GALNT18: variants seen among roughly 807,000 people sequenced by gnomAD.
GALNT18 encodes GalNAc-transferase 18.
In GALNT18, 44 loss-of-function variants were observed where a neutral mutation model predicts 69.5. The ratio of observed to expected loss-of-function variants is 0.63; its 90% CI spans 0.50 to 0.81. The LOEUF is 0.81. GALNT18 is among the 40% of genes least tolerant of loss of function. GALNT18 has a pLI of 0.00. For synonymous variants in GALNT18, 364 were observed against 318.2 expected (o/e 1.14, Z -1.53); for missense variants, 715 against 810.0 (o/e 0.88, Z 1.42).
intron 1 of GALNT18, among the ~76,000 whole-genome samples, chr11:11,517,264 T>C (rs912351013): frequency 3.3e-5 from 5 of 152,236 alleles, no homozygotes; most frequent in African/African-American, 1.2e-4. Context: ...GTCAGCTGTG[T>C]AAAACAGGCC....
chr11:11,396,840 CT>C lies in GALNT18; in HGVS notation c.596-17577del, dbSNP rs1854342788. 6.6e-6 allele frequency among the ~76,000 whole-genome samples: 1 copy of C among 152,120 alleles called. No individual in the cohort carries two copies. The highest frequency in any genetic ancestry group is 1.5e-5 in the Non-Finnish European group (1 of 68,036). On this transcript the variant is annotated intron_variant, in intron 3 of 10. Coordinates refer to ENST00000227756, the MANE Select transcript of GALNT18 (RefSeq NM_198516.3). The surrounding 1 kb of genome is among the most constrained non-coding windows in gnomAD (Gnocchi z 5.2). ...GGGAGGAAAATAGGGAGGGTCTTGG[CT>C]GCCAAAGGAAAGGCTTTCATTCCAG...
At chr11:11,537,803 C>T (rs1857819539) in intron 1 of GALNT18, among the ~76,000 whole-genome samples, 1 of 152,140 alleles carries the variant, frequency 6.6e-6, no homozygotes, top group East Asian at 1.9e-4. Flanking sequence ...TTTTAACAAG[C>T]TTCTCAGATA....
chr11:11,422,927 GT>G (rs1260416346), intron 3 of GALNT18, among the ~76,000 whole-genome samples: 1 of 152,188 alleles, frequency 6.6e-6, no homozygotes, highest in African/African-American at 2.4e-5. Flanking sequence ...GATTTTGAAG[GT>G]GGCTCCAGGT....
intron 5 of GALNT18, among the ~76,000 whole-genome samples, chr11:11,373,365 C>G (rs182223203): frequency 2.0e-5 from 3 of 152,152 alleles, no homozygotes; most frequent in Admixed American, 2.0e-4. Flanking sequence ...AGCCCAACTT[C>G]AAAATAGATG....
chr11:11,491,633 A>C (rs2133885909), intron 1 of GALNT18, among the ~76,000 whole-genome samples: 1 of 152,348 alleles, frequency 6.6e-6, no homozygotes, highest in African/African-American at 2.4e-5. Context: ...CCTATGCTTC[A>C]AAGCACTTGC....
chr11:11,517,180 CT>C (rs1857298542), intron 1 of GALNT18, among the ~76,000 whole-genome samples: 1 of 152,172 alleles, frequency 6.6e-6, no homozygotes, highest in South Asian at 2.1e-4. Flanking sequence ...AAAACAAATT[CT>C]TTTGTTTATA....
At chr11:11,403,160 G>A (rs1043900662) in intron 3 of GALNT18, among the ~76,000 whole-genome samples, 23 of 152,096 alleles carry the variant, frequency 1.5e-4, no homozygotes, top group African/African-American at 4.3e-4. Context: ...TTGAACTTGC[G>A]GCATCCTTCT....
In GALNT18 at chr11:11,347,710, G is replaced by A. The variant is rs1344342225; in HGVS notation, c.1093-6706C>T. Among the ~76,000 whole-genome samples, 1 of 152,160 alleles carries A rather than the reference G, an allele frequency of 6.6e-6. No homozygotes were observed. The highest frequency in any genetic ancestry group is 1.5e-5 in the Non-Finnish European group (1 of 68,032). ...TGCTCTCCACATCCATCCAAAGCCGGCCTGGCCCAGCTCCTCCAAACTCTT... is the reference window on the plus strand; with the variant it reads ...TGCTCTCCACATCCATCCAAAGCCGACCTGGCCCAGCTCCTCCAAACTCTT... On this transcript the variant is annotated intron_variant, in intron 6 of 10. Coordinates refer to ENST00000227756, the MANE Select transcript of GALNT18 (RefSeq NM_198516.3). The surrounding 1 kb of genome is among the most constrained non-coding windows in gnomAD (Gnocchi z 4.0).
intron 1 of GALNT18, among the ~76,000 whole-genome samples, chr11:11,574,975 G>A (rs765495281): frequency 6.2e-4 from 94 of 152,190 alleles, no homozygotes; most frequent in Non-Finnish European, 9.1e-4. Context: ...TCTTGGACCA[G>A]GTTTCTTTAA....
chr11:11,567,825 G>T (rs1858689578), intron 1 of GALNT18, among the ~76,000 whole-genome samples: 1 of 152,200 alleles, frequency 6.6e-6, no homozygotes, highest in Admixed American at 6.5e-5. Flanking sequence ...ATGTCCTAGG[G>T]AGATAAACAT....
chr11:11,417,704 C>G (rs992082333), intron 3 of GALNT18, among the ~76,000 whole-genome samples: 3 of 152,192 alleles, frequency 2.0e-5, no homozygotes, highest in Non-Finnish European at 4.4e-5. Context: ...CATATTCACA[C>G]TGTCTAGCCT....
chr11:11,337,308 G>A lies in GALNT18; in HGVS notation c.1278+3511C>T, dbSNP rs557038924. Among the ~76,000 whole-genome samples, 11 of 152,198 alleles carry A rather than the reference G, an allele frequency of 7.2e-5. No individual in the cohort carries two copies. Among genetic ancestry groups the A allele is most frequent in the Admixed American group, 3.9e-4 (6 of 15,294 alleles). On this transcript the variant is annotated intron_variant, in intron 7 of 10. Coordinates refer to ENST00000227756, the MANE Select transcript of GALNT18 (RefSeq NM_198516.3). The surrounding 1 kb of genome is among the most constrained non-coding windows in gnomAD (Gnocchi z 4.9). Reference sequence around the variant, plus strand: ...AGGCGTCACCAAGCTCTTACCATGCGCCCTGCCTTGTGCTAGATATAATGA... The same window carrying A: ...AGGCGTCACCAAGCTCTTACCATGCACCCTGCCTTGTGCTAGATATAATGA...
intron 1 of GALNT18, among the ~76,000 whole-genome samples, chr11:11,453,481 T>A (rs1855850347): frequency 6.6e-6 from 1 of 152,130 alleles, no homozygotes; most frequent in Admixed American, 6.5e-5. Context: ...CAAAAGTCAC[T>A]TTCTCAGCAA....
chr11:11,524,679 T>C (rs1423749598), intron 1 of GALNT18, among the ~76,000 whole-genome samples: 3 of 152,236 alleles, frequency 2.0e-5, no homozygotes, highest in East Asian at 1.9e-4. Flanking sequence ...CCAACTTTAA[T>C]GTGAGCATAG....
chr11:11,405,288 T>A (rs1234325751), intron 3 of GALNT18, among the ~76,000 whole-genome samples: 1 of 152,208 alleles, frequency 6.6e-6, no homozygotes, highest in Non-Finnish European at 1.5e-5. Context: ...AACCACGGCA[T>A]CACTGTTAAA....
chr11:11,440,544 C>T (rs1464648456), intron 2 of GALNT18, among the ~76,000 whole-genome samples: 1 of 152,220 alleles, frequency 6.6e-6, no homozygotes, highest in Non-Finnish European at 1.5e-5. Context: ...CTAGCAAAGC[C>T]TGGCTCAGGG....
chr11:11,272,011 ACTGT>A (rs1264805408), intron 10 of GALNT18, among the ~76,000 whole-genome samples: 4 of 151,448 alleles, frequency 2.6e-5, no homozygotes, highest in African/African-American at 9.7e-5. Context: ...GGCAGCCTGG[ACTGT>A]CTGAGCATCT....
At chr11:11,285,813 T>A (rs1361891659) in intron 10 of GALNT18, among the ~76,000 whole-genome samples, 2 of 152,230 alleles carry the variant, frequency 1.3e-5, no homozygotes, top group African/African-American at 2.4e-5. Flanking sequence ...GAATTAGTGG[T>A]GTTCCCTGGG....
rs985067375 is a variant in GALNT18 at position 11,327,049 on chromosome 11, G to A, written c.1512+37C>T. On this transcript the variant is annotated intron_variant, in intron 9 of 10. Coordinates refer to ENST00000227756, the MANE Select transcript of GALNT18 (RefSeq NM_198516.3). ...CCTTCCCCATGCCAGGCACTCATAT[G>A]CACACTCCTGGCACAGGAATCTCTT... 5.5e-6 allele frequency: 8 copies of A among 1,448,620 alleles called. No individual in the cohort carries two copies. The African/African-American group carries it at 5.6e-5, about 10-fold the overall frequency. 89.7% of individuals were successfully genotyped at this position (1,448,620 alleles called of 1,614,324 possible).
Sources: gnomAD v4.1 joint callset for allele counts (sites outside exome capture counted in the v4.1 genomes callset) on GRCh38, gnomAD v4.1.1 for gene constraint, Gnocchi (gnomAD v3.1) non-coding constraint, MANE v1.5 for transcripts, NCBI Gene and HGNC (gene_info 2026-07-23, HGNC 2026-07-21) for gene names.